The following ITGAL variants were observed in gnomAD, a reference collection of about 807,000 sequenced individuals.
ITGAL encodes integrin alpha-L.
In ITGAL, 68 loss-of-function variants were observed where a neutral mutation model predicts 138.4. That is an observed-to-expected ratio of 0.49 (90% CI 0.40 to 0.60). The LOEUF (loss-of-function observed/expected upper bound fraction) is 0.60, where lower values mean the gene tolerates loss of function less well. Among genes scored for constraint, ITGAL ranks in the 20% least tolerant of loss-of-function variants. The pLI is 0.00. For synonymous variants in ITGAL, 561 were observed against 584.3 expected (o/e 0.96, Z 0.57); for missense variants, 1,256 against 1,478.6 (o/e 0.85, Z 2.47).
At chr16:30,485,151 C>T (rs34874849) in intron 9 of ITGAL, among the ~76,000 whole-genome samples, 11,801 of 148,802 alleles carry the variant, frequency 0.079, 1,581 homozygotes, top group African/African-American at 0.28. Context: ...CCTTCCCTTT[C>T]CCTCTCCTCC....
At position 30,489,169 on chromosome 16, in the gene ITGAL, T is replaced by A; in HGVS notation, c.1080+14T>A. ...GACCTCAGCAGGGTGCGTGCTGGGC[T>A]GGAGCAATGGGCTGCAGGGAGTGCA... On this transcript the variant is annotated intron_variant, in intron 10 of 30. Transcript: ENST00000356798. 6.2e-7 allele frequency: 1 copy of A among 1,614,024 alleles called. No individual in the cohort carries two copies. Among genetic ancestry groups the A allele is most frequent in the Non-Finnish European group, 8.5e-7 (1 of 1,179,934 alleles).
chr16:30,495,756 G>A (rs2050789655), intron 13 of ITGAL, among the ~76,000 whole-genome samples: 1 of 152,110 alleles, frequency 6.6e-6, no homozygotes, highest in Non-Finnish European at 1.5e-5. Flanking sequence ...GGCTGAGGTG[G>A]GAGGATCGCT....
rs760442886 is a variant in ITGAL at position 30,474,135 on chromosome 16, G to C, written c.62-61G>C. 4 of 1,307,120 alleles carry C rather than the reference G, an allele frequency of 3.1e-6. No individual in the cohort carries two copies. The Admixed American group carries it at 7.9e-5, about 26-fold the overall frequency. The allele number at this position is 1,307,120 out of a possible 1,614,324, so 81.0% of individuals were successfully genotyped here. A position where few individuals can be genotyped will look rare whatever the true frequency, so the allele number is the denominator to read the frequency against. ...CGGGTGGGCCTGGGATCGGCCACCT[G>C]CTGGGCACGTGCAGGGGCGGGGGTC... On this transcript the variant is annotated intron_variant, in intron 1 of 30. Transcript: ENST00000356798.
chr16:30,516,834 C>T, intron 25 of ITGAL, 139 bp from the exon 26 acceptor site: 2 of 708,222 alleles, frequency 2.8e-6, no homozygotes, highest in Admixed American at 2.0e-5. Context: ...TGCCCAGTCA[C>T]TGGACACTGC....
At chr16:30,475,697 T>C in intron 4 of ITGAL, 117 bp downstream of exon 4, 1 of 696,076 alleles carries the variant, frequency 1.4e-6, no homozygotes, top group Admixed American at 2.3e-5. Context: ...GGCATCAGAG[T>C]CAATTAGTGT....
At chr16:30,480,350 T>A (rs530543332) in intron 6 of ITGAL, among the ~76,000 whole-genome samples, 4 of 152,300 alleles carry the variant, frequency 2.6e-5, no homozygotes, top group Non-Finnish European at 5.9e-5. Flanking sequence ...AGCTCCTAAG[T>A]TCATGTGTTA....
At chr16:30,521,126 G>A (rs747959473) in intron 30 of ITGAL, among the ~76,000 whole-genome samples, 5 of 151,886 alleles carry the variant, frequency 3.3e-5, no homozygotes, top group African/African-American at 4.8e-5. Context: ...AAGTGTTCTC[G>A]CTGGGCTCGG....
In ITGAL at chr16:30,474,611, G is replaced by T. The variant is rs146242202; in HGVS notation, c.164+313G>T. ...GCGAGCGCCTGGAAGCCAGGAGTCT[G>T]TTCTCTCTTCCTAACCCTTCTTAGA... On this transcript the variant is annotated intron_variant, in intron 2 of 30. Transcript: ENST00000356798. The T allele has an allele frequency of 7.7e-5, 27 of 348,886 alleles. No homozygotes were observed. In the East Asian group the frequency reaches 1.6e-3, roughly 20 times the overall value. The allele number at this position is 348,886 out of a possible 1,614,324, so 21.6% of individuals were successfully genotyped here.
chr16:30,510,952 T>C lies in ITGAL; in HGVS notation c.2691T>C (p.Asn897=), dbSNP rs1426770730. The C allele has an allele frequency of 6.2e-7, 1 of 1,614,020 alleles. No homozygotes were observed. Among genetic ancestry groups the C allele is most frequent in the South Asian group, 1.1e-5 (1 of 91,076 alleles). Residue 897 remains asparagine, a synonymous_variant, in exon 23 of 31, where the codon AAT becomes AAC. Coordinates refer to ENST00000356798, the MANE Select transcript of ITGAL (RefSeq NM_002209.3). The part of the protein sequence containing the change: ...SWGDSVELHA[N]VTCNNEDSDL... ...GGGACTCGGTTGAATTGCACGCCAA[T>C]GTGACCTGGTGAGCAGGCCCCGCCC...
At position 30,494,693 on chromosome 16, in the gene ITGAL, A is replaced by G; in HGVS notation, c.1366-20A>G. 1.9e-6 allele frequency: 3 copies of G among 1,588,632 alleles called. No individual in the cohort carries two copies. The highest frequency in any genetic ancestry group is 2.6e-6 in the Non-Finnish European group (3 of 1,164,772). Reference sequence around the variant, plus strand: ...GCTGTTCCCACAGGCGCTTCCCCAAACACCTGCCTCTCCCCACAGATTGGC... The same window carrying G: ...GCTGTTCCCACAGGCGCTTCCCCAAGCACCTGCCTCTCCCCACAGATTGGC... On this transcript the variant is annotated intron_variant, in intron 12 of 30. Coordinates refer to ENST00000356798, the MANE Select transcript of ITGAL (RefSeq NM_002209.3). The surrounding 1 kb of genome is among the most constrained non-coding windows in gnomAD (Gnocchi z 4.2).
chr16:30,517,057 C>T lies in ITGAL; in HGVS notation c.2947C>T (p.Pro983Ser), dbSNP rs1435466084. 1.2e-6 allele frequency: 2 copies of T among 1,612,210 alleles called. No homozygotes were observed. The highest frequency in any genetic ancestry group is 1.7e-4 in the Middle Eastern group (1 of 6,056). The stretch of plus-strand genomic sequence containing the variant: ...GGTGCCACAGCCTCCCAGCGAGGGG[C>T]CCATCACACACCAGTGGAGCGTGCA... ...VGVPQPPSEG[P>S]ITHQWSVQME... The change falls in exon 26 of 31, where the codon CCC becomes TCC. Residue 983 changes from proline to serine, a missense_variant. Physicochemically the swap from Pro to Ser is moderately conservative, Grantham distance 74. This residue lies in a region of ITGAL where 867 missense variants were observed against 972.5 expected (regional missense o/e 0.89). Coordinates refer to ENST00000356798, the MANE Select transcript of ITGAL (RefSeq NM_002209.3).
intron 16 of ITGAL, 27 bp downstream of exon 16, chr16:30,499,261 G>T: frequency 1.2e-6 from 2 of 1,613,078 alleles, no homozygotes; most frequent in Non-Finnish European, 1.7e-6. Context: ...TGCTCCCAGG[G>T]CAGCTGCCGC....
intron 11 of ITGAL, among the ~76,000 whole-genome samples, chr16:30,490,605 C>T (rs527717598): frequency 6.6e-6 from 1 of 152,216 alleles, no homozygotes; most frequent in Non-Finnish European, 1.5e-5. Flanking sequence ...GGCTAGTAAA[C>T]TTCTTTCAAT....
At chr16:30,474,357 G>A in intron 2 of ITGAL, 59 bp downstream of exon 2, 8 of 1,253,368 alleles carry the variant, frequency 6.4e-6, no homozygotes, top group Non-Finnish European at 8.0e-6. Flanking sequence ...CCCCCGAGGC[G>A]GTGGCCGCCT....
chr16:30,518,783 A>T, intron 29 of ITGAL, 64 bp downstream of exon 29: 1 of 1,225,538 alleles, frequency 8.2e-7, no homozygotes, highest in South Asian at 1.2e-5. Context: ...GCCCCAGGGC[A>T]GACCTAGATG....
At chr16:30,500,133 T>C (rs970684353) in intron 17 of ITGAL, among the ~76,000 whole-genome samples, 5 of 151,312 alleles carry the variant, frequency 3.3e-5, no homozygotes, top group African/African-American at 1.2e-4. Context: ...TCACCCAGGC[T>C]GGAGTGCAGT....
Position 30,494,764 on chromosome 16 carries a change from G to A in ITGAL, c.1417G>A (p.Gly473Arg). Residue 473 changes from glycine to arginine, a missense_variant, in exon 13 of 31, where the codon GGG (glycine) becomes AGG (arginine). This residue lies in a region of ITGAL where 867 missense variants were observed against 972.5 expected (regional missense o/e 0.89). Coordinates refer to ENST00000356798, the MANE Select transcript of ITGAL (RefSeq NM_002209.3). The surrounding 1 kb of genome is among the most constrained non-coding windows in gnomAD (Gnocchi z 4.2). Reference protein sequence around the residue: ...ELCGVDVDQDGETELLLIGAP... With the variant: ...ELCGVDVDQDRETELLLIGAP... The stretch of plus-strand genomic sequence containing the variant: ...GTGTGGCGTCGACGTGGACCAAGAT[G>A]GGGAGACAGAGCTGCTGCTGATTGG... 1 of 1,613,472 alleles carries A rather than the reference G, an allele frequency of 6.2e-7. No individual in the cohort carries two copies. The highest frequency in any genetic ancestry group is 8.5e-7 in the Non-Finnish European group (1 of 1,179,616).
chr16:30,521,591 C>T lies in ITGAL; in HGVS notation c.3439C>T (p.Gln1147Ter). 2 of 1,614,156 alleles carry T rather than the reference C, an allele frequency of 1.2e-6. No individual in the cohort carries two copies. Among genetic ancestry groups the T allele is most frequent in the Non-Finnish European group, 1.7e-6 (2 of 1,180,028 alleles). The change falls in exon 31 of 31, where the codon CAA becomes TAA. Residue 1147 changes from glutamine to a stop codon, truncating the protein, a stop_gained. Transcript: ENST00000356798. LOFTEE classifies it low-confidence loss of function (END_TRUNC). ...AEDSEQLASGQEAGDPGCLKP... is the reference protein window; with the variant it reads ...AEDSEQLASG ...AGACTCTGAGCAGCTGGCATCTGGG[C>T]AAGAGGCTGGGGATCCCGGCTGCCT...
intron 2 of ITGAL, among the ~76,000 whole-genome samples, 169 bp from the exon 3 acceptor site, chr16:30,475,137 G>A (rs536142652): frequency 1.1e-4 from 17 of 152,248 alleles, no homozygotes; most frequent in Middle Eastern, 3.4e-3. Context: ...TTGGCCTCAT[G>A]CGAAAGTTAC....
Sources: gnomAD v4.1 joint callset for allele counts (sites outside exome capture counted in the v4.1 genomes callset) on GRCh38, gnomAD v4.1.1 for gene constraint, gnomAD v4.1.1 regional missense constraint, Gnocchi (gnomAD v3.1) non-coding constraint, MANE v1.5 for transcripts, NCBI Gene and HGNC (gene_info 2026-07-23, HGNC 2026-07-21) for gene names.